FAT3: variants seen among roughly 807,000 people sequenced by gnomAD.
FAT3 encodes FAT atypical cadherin 3, also known as protocadherin Fat 3.
Under a neutral mutation model 310.2 loss-of-function variants are expected in FAT3, and 95 were observed. That is an observed-to-expected ratio of 0.31 (90% CI 0.26 to 0.36). FAT3 has a LOEUF of 0.36. Ranked by LOEUF, FAT3 falls within the 10% of genes least tolerant of loss-of-function variation. FAT3 has a pLI of 1.00. For synonymous variants in FAT3, 2,314 were observed against 2,192.9 expected (o/e 1.06, Z -1.54); for missense variants, 5,408 against 5,715.6 (o/e 0.95, Z 1.74).
chr11:92,790,036 A>T lies in FAT3; in HGVS notation c.4429A>T (p.Thr1477Ser). ...VTISEDVLPD[T>S]EILQIEATDR... Reference sequence around the variant, plus strand: ...AATTTCCGAGGATGTGCTTCCAGACACGGAGATCCTGCAGATTGAAGCCAC... The same window carrying T: ...AATTTCCGAGGATGTGCTTCCAGACTCGGAGATCCTGCAGATTGAAGCCAC... Residue 1477 changes from threonine to serine, a missense_variant, in exon 8 of 28, where the codon ACG (threonine) becomes TCG (serine). Physicochemically the swap from Thr to Ser is moderately conservative, Grantham distance 58. This residue lies in a region of FAT3 where 4,588 missense variants were observed against 4,809.8 expected (regional missense o/e 0.95). Coordinates refer to ENST00000525166, the MANE Select transcript of FAT3 (RefSeq NM_001367949.2). 6.2e-7 allele frequency: 1 copy of T among 1,613,846 alleles called. No homozygotes were observed. The highest frequency in any genetic ancestry group is 8.5e-7 in the Non-Finnish European group (1 of 1,179,756).
chr11:92,435,095 C>G (rs765370361), intron 2 of FAT3, among the ~76,000 whole-genome samples: 1 of 152,144 alleles, frequency 6.6e-6, no homozygotes, highest in Non-Finnish European at 1.5e-5. Context: ...ATATCCTCCC[C>G]CTTAATGACC....
chr11:92,781,535 G>A (rs1946753431), intron 7 of FAT3, among the ~76,000 whole-genome samples: 1 of 152,068 alleles, frequency 6.6e-6, no homozygotes, highest in Non-Finnish European at 1.5e-5. Context: ...TCATATACGA[G>A]TCCAGGAACA....
At chr11:92,399,807 AT>A (rs1949969186) in intron 2 of FAT3, among the ~76,000 whole-genome samples, 2 of 152,240 alleles carry the variant, frequency 1.3e-5, no homozygotes, top group South Asian at 4.2e-4. Context: ...GACAGCCTAG[AT>A]GTTTTAGGAG....
intron 2 of FAT3, among the ~76,000 whole-genome samples, chr11:92,478,945 TTTC>T (rs374192413): frequency 0.061 from 3,659 of 60,432 alleles, 68 homozygotes; most frequent in South Asian, 0.09. Flanking sequence ...TCTTTCTTTC[TTTC>T]TTTCTTTTCT....
intron 4 of FAT3, among the ~76,000 whole-genome samples, chr11:92,739,272 T>C (rs1220963930): frequency 6.6e-6 from 1 of 152,208 alleles, no homozygotes; most frequent in Non-Finnish European, 1.5e-5. Context: ...TGCAATGACC[T>C]GATACCTCAT....
intron 1 of FAT3, among the ~76,000 whole-genome samples, chr11:92,309,229 G>T (rs1190583420): frequency 6.8e-6 from 1 of 147,590 alleles, no homozygotes; most frequent in Non-Finnish European, 1.5e-5. Context: ...CGGCTTGGCG[G>T]TCCTGTCCTC....
At chr11:92,795,995 T>G (rs1947162070) in intron 9 of FAT3, among the ~76,000 whole-genome samples, 1 of 152,164 alleles carries the variant, frequency 6.6e-6, no homozygotes, top group African/African-American at 2.4e-5. Context: ...TGAAGAAATC[T>G]GCCGGGTGTG....
chr11:92,309,960 C>A (rs1947254746), intron 1 of FAT3, among the ~76,000 whole-genome samples: 1 of 149,390 alleles, frequency 6.7e-6, no homozygotes, highest in African/African-American at 2.5e-5. Flanking sequence ...CCTGTTAGAT[C>A]TCTGTTTTTT....
chr11:92,761,657 G>T (rs1418754769), intron 4 of FAT3, among the ~76,000 whole-genome samples, 199 bp from the exon 5 acceptor site: 1 of 152,048 alleles, frequency 6.6e-6, no homozygotes, highest in Non-Finnish European at 1.5e-5. Context: ...CCACATATGG[G>T]CAGTTAGAGC....
intron 2 of FAT3, among the ~76,000 whole-genome samples, chr11:92,385,345 T>C (rs1294849863): frequency 6.6e-6 from 1 of 152,140 alleles, no homozygotes; most frequent in Non-Finnish European, 1.5e-5. Flanking sequence ...TGATTTTATT[T>C]CATTTTTGAG....
At chr11:92,517,261 A>C (rs1362940922) in intron 2 of FAT3, among the ~76,000 whole-genome samples, 1 of 152,206 alleles carries the variant, frequency 6.6e-6, no homozygotes, top group Non-Finnish European at 1.5e-5. Flanking sequence ...CCAAAACAGC[A>C]TGGTACTGAT....
chr11:92,516,151 A>G (rs1185088432), intron 2 of FAT3, among the ~76,000 whole-genome samples: 1 of 152,154 alleles, frequency 6.6e-6, no homozygotes, highest in Non-Finnish European at 1.5e-5. Context: ...GGCCAGCATA[A>G]TCCTGATACC....
intron 1 of FAT3, among the ~76,000 whole-genome samples, chr11:92,319,522 A>G (rs1345709637): frequency 6.6e-6 from 1 of 152,224 alleles, no homozygotes; most frequent in East Asian, 1.9e-4. Context: ...GTGTTCAGTA[A>G]GTATAATAGT....
chr11:92,608,236 A>G (rs1359710891), intron 3 of FAT3, among the ~76,000 whole-genome samples: 1 of 152,196 alleles, frequency 6.6e-6, no homozygotes, highest in Non-Finnish European at 1.5e-5. Flanking sequence ...ACATTAATTT[A>G]ATGCATTTTA....
In FAT3 at chr11:92,600,126, T is replaced by A. The variant is rs992563471; in HGVS notation, c.3607+75178T>A. 3.3e-5 allele frequency among the ~76,000 whole-genome samples: 5 copies of A among 152,222 alleles called. 1 individual carries two copies. The highest frequency in any genetic ancestry group is 1.2e-4 in the African/African-American group (5 of 41,466). ...ATCTGTTTTTTTCTTTGTATAGCTG[T>A]CCTCTTTATCTCTTATTCTTAGTTA... On this transcript the variant is annotated intron_variant, in intron 3 of 27. Transcript: ENST00000525166.
At chr11:92,256,436 A>G (rs1461728261) in intron 1 of FAT3, among the ~76,000 whole-genome samples, 4 of 151,972 alleles carry the variant, frequency 2.6e-5, no homozygotes, top group East Asian at 1.9e-4. Context: ...AATGTGACTC[A>G]TTTATAGAGT....
chr11:92,326,037 A>G (rs1947754416), intron 1 of FAT3, among the ~76,000 whole-genome samples: 1 of 152,228 alleles, frequency 6.6e-6, no homozygotes, highest in Non-Finnish European at 1.5e-5. Flanking sequence ...GAGAAAGTTT[A>G]AAACACACAG....
intron 2 of FAT3, among the ~76,000 whole-genome samples, chr11:92,487,231 G>A (rs947530220): frequency 1.3e-5 from 2 of 152,142 alleles, no homozygotes; most frequent in African/African-American, 4.8e-5. Flanking sequence ...TGCCTTCCAA[G>A]AGGGCCATGC....
At chr11:92,837,363 G>A (rs11020074) in intron 16 of FAT3, among the ~76,000 whole-genome samples, 59,421 of 152,004 alleles carry the variant, frequency 0.39, 11,809 homozygotes, top group East Asian at 0.46. Context: ...CCCCAGGGAC[G>A]TTTGGCAACG....
Sources: gnomAD v4.1 joint callset for allele counts (sites outside exome capture counted in the v4.1 genomes callset) on GRCh38, gnomAD v4.1.1 for gene constraint, gnomAD v4.1.1 regional missense constraint, MANE v1.5 for transcripts, NCBI Gene and HGNC (gene_info 2026-07-23, HGNC 2026-07-21) for gene names.